The following PRR29 variants were observed in gnomAD, a reference collection of about 807,000 sequenced individuals.
The protein encoded by PRR29 is proline rich 29.
PRR29 carries 20 observed loss-of-function variants against 25.1 expected under a neutral mutation model. The observed-to-expected ratio is 0.80, with a 90% CI of 0.56 to 1.16. PRR29 has a LOEUF of 1.16. Ranked by LOEUF, PRR29 falls within the 50% of genes most tolerant of loss-of-function variation. PRR29 has a pLI of 0.00. For synonymous variants in PRR29, 108 were observed against 102.6 expected (o/e 1.05, Z -0.32); for missense variants, 238 against 246.6 (o/e 0.97, Z 0.23).
At position 63,999,091 on chromosome 17, in the gene PRR29, C is replaced by T; in HGVS notation, c.243+17C>T. 1.2e-5 allele frequency: 19 copies of T among 1,526,416 alleles called. No homozygotes were observed. Among genetic ancestry groups the T allele is most frequent in the Non-Finnish European group, 1.5e-5 (17 of 1,138,614 alleles). 94.6% of individuals were successfully genotyped at this position (1,526,416 alleles called of 1,614,324 possible). On this transcript the variant is annotated intron_variant, in intron 3 of 5. Transcript: ENST00000412177. ...TGCCCTCAGGTGCGTGTGGGTGGGC[C>T]GCCGGGGTCGCTCACCTGTGGGTCC...
chr17:63,998,644 G>T (rs1295259993), intron 1 of PRR29, 63 bp from the exon 2 acceptor site: 2 of 1,076,868 alleles, frequency 1.9e-6, no homozygotes, highest in Admixed American at 2.0e-5. Context: ...GGGGGTTGGG[G>T]CTCGCGACGT....
chr17:64,002,039 C>T lies in PRR29; in HGVS notation c.*278C>T. ...TCAGCCCGCCTCTGCCCCACTGCTT[C>T]CTGCCTGGAGCAGGGGGAGGCCTGG... On this transcript the variant is annotated 3_prime_UTR_variant, in exon 6 of 6. Coordinates refer to ENST00000412177, the MANE Select transcript of PRR29 (RefSeq NM_001164257.2). The T allele has an allele frequency of 6.7e-7, 1 of 1,502,320 alleles. No individual in the cohort carries two copies. The allele number at this position is 1,502,320 out of a possible 1,614,324, so 93.1% of individuals were successfully genotyped here. A position where few individuals can be genotyped will look rare whatever the true frequency, so the allele number is the denominator to read the frequency against.
At chr17:64,000,152 G>A (rs1910538495) in intron 3 of PRR29, among the ~76,000 whole-genome samples, 1 of 152,166 alleles carries the variant, frequency 6.6e-6, no homozygotes, top group Admixed American at 6.5e-5. Flanking sequence ...AGGGGCCGGG[G>A]GTGAGGCCGG....
intron 3 of PRR29, chr17:64,000,778 G>A (rs1270037867): frequency 1.4e-5 from 5 of 351,178 alleles, no homozygotes; most frequent in Non-Finnish European, 2.7e-5. Flanking sequence ...TCAGCCTCCT[G>A]AGTAGCTGGG....
chr17:63,998,894 AC>A lies in PRR29; in HGVS notation c.137-69del, dbSNP rs946417508. The A allele has an allele frequency of 2.3e-5, 32 of 1,413,980 alleles. No individual in the cohort carries two copies. In the African/African-American group the frequency reaches 2.7e-4, roughly 12 times the overall value. 87.6% of individuals were successfully genotyped at this position (1,413,980 alleles called of 1,614,324 possible). ...AGCACAACCCGCCAACCCATTCTTC[AC>A]CCCCGGGACAGGGGTGTCAGGGGGA... is the stretch of plus-strand genomic sequence containing the variant. On this transcript the variant is annotated intron_variant, in intron 2 of 5. Transcript: ENST00000412177.
At chr17:64,000,690 C>T (rs1041797524) in intron 3 of PRR29, among the ~76,000 whole-genome samples, 6 of 150,266 alleles carry the variant, frequency 4.0e-5, no homozygotes, top group South Asian at 4.2e-4. Flanking sequence ...TCTCGCTCTG[C>T]CGCCCAGGCT....
intron 3 of PRR29, chr17:63,999,375 T>C: frequency 2.1e-6 from 1 of 482,578 alleles, no homozygotes; most frequent in Non-Finnish European, 3.7e-6. Flanking sequence ...CCCTGCCCCA[T>C]GCATCATGAG....
rs1598013825 is a variant in PRR29 at position 64,003,022 on chromosome 17, A to G, written c.*1261A>G. On this transcript the variant is annotated 3_prime_UTR_variant, in exon 6 of 6. Coordinates refer to ENST00000412177, the MANE Select transcript of PRR29 (RefSeq NM_001164257.2). ...GTCCACCCCCAACCCAGACCCCCAG[A>G]CCCCGCCGCCCGCTCATGCATCCAG... is the stretch of plus-strand genomic sequence containing the variant. 2 of 1,100,792 alleles carry G rather than the reference A, an allele frequency of 1.8e-6. No individual in the cohort carries two copies. Among genetic ancestry groups the G allele is most frequent in the Non-Finnish European group, 2.6e-6 (2 of 768,710 alleles). 68.2% of individuals were successfully genotyped at this position (1,100,792 alleles called of 1,614,324 possible).
At chr17:63,999,186 C>T in intron 3 of PRR29, 112 bp downstream of exon 3, 1 of 800,410 alleles carries the variant, frequency 1.2e-6, no homozygotes, top group Non-Finnish European at 2.0e-6. Context: ...AGCAGGAAGC[C>T]AGCCCGTCTC....
chr17:64,003,538 T>G lies in PRR29; in HGVS notation c.*1777T>G. 1 of 991,024 alleles carries G rather than the reference T, an allele frequency of 1.0e-6. No homozygotes were observed. The allele number at this position is 991,024 out of a possible 1,614,324, so 61.4% of individuals were successfully genotyped here. A position where few individuals can be genotyped will look rare whatever the true frequency, so the allele number is the denominator to read the frequency against. On this transcript the variant is annotated 3_prime_UTR_variant, in exon 6 of 6. Coordinates refer to ENST00000412177, the MANE Select transcript of PRR29 (RefSeq NM_001164257.2). ...AAGAGGGAAGCCTCAGGATGAAGGG[T>G]GGGCTCCTGGGTGTTTGCTTCCCAA...
At position 64,002,794 on chromosome 17, in the gene PRR29, C is replaced by G. The variant is rs747555707; in HGVS notation, c.*1033C>G. The G allele has an allele frequency of 1.2e-6, 2 of 1,613,590 alleles. No homozygotes were observed. The highest frequency in any genetic ancestry group is 8.5e-7 in the Non-Finnish European group (1 of 1,179,990). On this transcript the variant is annotated 3_prime_UTR_variant, in exon 6 of 6. Coordinates refer to ENST00000412177, the MANE Select transcript of PRR29 (RefSeq NM_001164257.2). Reference sequence around the variant, plus strand: ...AGCCTCCTCCAAGCCGCTCGCACCCCGTAGGTGCCCATCCGCTGCTGGCGC... The same window carrying G: ...AGCCTCCTCCAAGCCGCTCGCACCCGGTAGGTGCCCATCCGCTGCTGGCGC...
rs915096767 is a variant in PRR29, at chr17:64,001,133, T to C, written c.293T>C (p.Met98Thr). 4 of 1,537,326 alleles carry C rather than the reference T, an allele frequency of 2.6e-6. No individual in the cohort carries two copies. The African/African-American group carries it at 5.5e-5, about 21-fold the overall frequency. ...GAGCCTGAGGAGGAGGAGGAGGAGA[T>C]GGACGTGCGGGAGAAAGGGCCTTTG... The part of the protein sequence containing the change: ...QEEPEEEEEE[M>T]DVREKGPLVF... The change falls in exon 4 of 6, where the codon ATG becomes ACG. Residue 98 changes from methionine to threonine, a missense_variant. Physicochemically the swap from Met to Thr is moderately conservative, Grantham distance 81 (BLOSUM62 -1). Coordinates refer to ENST00000412177, the MANE Select transcript of PRR29 (RefSeq NM_001164257.2).
At chr17:63,999,185 C>A in intron 3 of PRR29, 111 bp downstream of exon 3, 1 of 808,400 alleles carries the variant, frequency 1.2e-6, no homozygotes, top group Non-Finnish European at 2.0e-6. Flanking sequence ...GAGCAGGAAG[C>A]CAGCCCGTCT....
rs13306432 is a variant in PRR29, at chr17:64,003,787, T to A, written c.*2026T>A. 1.1e-3 allele frequency: 1,842 copies of A among 1,614,250 alleles called. 25 individuals carry two copies. The highest frequency in any genetic ancestry group is 5.3e-4 in the East Asian group (24 of 44,886). On this transcript the variant is annotated 3_prime_UTR_variant, in exon 6 of 6. Coordinates refer to ENST00000412177, the MANE Select transcript of PRR29 (RefSeq NM_001164257.2). ...GCTGTTGAATGTGGCTGTGGCCTCCTGCGGAGCAGGGGCTGCCTTCCCGAA... is the reference window on the plus strand; with the variant it reads ...GCTGTTGAATGTGGCTGTGGCCTCCAGCGGAGCAGGGGCTGCCTTCCCGAA...
chr17:63,998,603 C>G (rs1025725648), intron 1 of PRR29, 104 bp from the exon 2 acceptor site: 3 of 1,040,830 alleles, frequency 2.9e-6, no homozygotes, highest in Admixed American at 2.4e-5. Flanking sequence ...GAGAACCTGG[C>G]CCCTGCGGGG....
rs956071136 is a variant in PRR29, at chr17:64,002,401, G to C, written c.*640G>C. On this transcript the variant is annotated 3_prime_UTR_variant, in exon 6 of 6. Transcript: ENST00000412177. ...GGAACAGTGTGTCCTCTGCCCCCTGGGCCAGGGTGTGTTTCCCCCACCCTC... is the reference window on the plus strand; with the variant it reads ...GGAACAGTGTGTCCTCTGCCCCCTGCGCCAGGGTGTGTTTCCCCCACCCTC... The C allele has an allele frequency of 5.0e-6, 2 of 402,832 alleles. No individual in the cohort carries two copies. Among genetic ancestry groups the C allele is most frequent in the Non-Finnish European group, 4.6e-6 (1 of 217,642 alleles). 25.0% of individuals were successfully genotyped at this position (402,832 alleles called of 1,614,324 possible).
At position 64,003,929 on chromosome 17, in the gene PRR29, T is replaced by C. The variant is rs760993064; in HGVS notation, c.*2168T>C. The stretch of plus-strand genomic sequence containing the variant: ...AAGGACTTGCCCACAGCCACCAAAG[T>C]GGGTTGCAGTGTCAGGATGACCTGC... On this transcript the variant is annotated 3_prime_UTR_variant, in exon 6 of 6. Coordinates refer to ENST00000412177, the MANE Select transcript of PRR29 (RefSeq NM_001164257.2). The C allele has an allele frequency of 1.4e-5, 22 of 1,613,536 alleles. No individual in the cohort carries two copies. Among genetic ancestry groups the C allele is most frequent in the Non-Finnish European group, 1.9e-5 (22 of 1,179,826 alleles).
At position 64,001,529 on chromosome 17, in the gene PRR29, C is replaced by T. The variant is rs999122347; in HGVS notation, c.533C>T (p.Pro178Leu). ...GGGACTGTGGGTGCTGATGTACCCC[C>T]GGCTTCAGGTAGGGCTGGGGTGGTG... ...ATGTVGADVP[P>L]ASDYYDAESL... is the part of the protein sequence containing the mutation. Residue 178 changes from proline to leucine, a missense_variant, in exon 5 of 6, where the codon CCG becomes CTG. Pro to Leu is a moderately conservative substitution (Grantham distance 98). Transcript: ENST00000412177. 1.7e-5 allele frequency: 26 copies of T among 1,517,386 alleles called. No individual in the cohort carries two copies. The highest frequency in any genetic ancestry group is 9.8e-5 in the East Asian group (4 of 40,886). The allele number at this position is 1,517,386 out of a possible 1,614,324, so 94.0% of individuals were successfully genotyped here.
intron 5 of PRR29, 32 bp downstream of exon 5, chr17:64,001,569 G>A: frequency 6.7e-7 from 1 of 1,498,624 alleles, no homozygotes. Flanking sequence ...GCGGGGCCCA[G>A]GCCTGGGAGT....
Sources: allele counts gnomAD v4.1 joint callset (sites outside exome capture counted in the v4.1 genomes callset), GRCh38; gene constraint gnomAD v4.1.1; transcripts MANE v1.5; gene names NCBI Gene and HGNC (gene_info 2026-07-23, HGNC 2026-07-21).